LRFN5: variants seen among roughly 807,000 people sequenced by gnomAD.
LRFN5 encodes the protein leucine-rich repeat and fibronectin type-III domain-containing protein 5.
A neutral mutation model predicts 45.6 loss-of-function variants in LRFN5; 24 were observed. That is an observed-to-expected ratio of 0.53 (90% confidence interval 0.38 to 0.74). The LOEUF is 0.74. LRFN5 is among the 30% of genes least tolerant of loss of function. The pLI is 0.00. For synonymous variants in LRFN5, 340 were observed against 313.8 expected, an observed-to-expected ratio of 1.08 and a Z score of -0.88; for missense variants, 776 against 861.5, an observed-to-expected ratio of 0.90 and a Z score of 1.24.
intron 2 of LRFN5, among the ~76,000 whole-genome samples, chr14:41,769,964 G>T (rs976536367): frequency 6.6e-6 from 1 of 152,118 alleles, no homozygotes; most frequent in African/African-American, 2.4e-5. Flanking sequence ...AGATTTAACT[G>T]GCTCTTGGTT....
chr14:41,664,714 C>CA (rs571623537), intron 1 of LRFN5, among the ~76,000 whole-genome samples: 6 of 151,230 alleles, frequency 4.0e-5, no homozygotes, highest in South Asian at 2.1e-4. Flanking sequence ...ATGACATAAA[C>CA]AAAAAAAAGT....
chr14:41,626,666 G>T (rs1888346251), intron 1 of LRFN5, among the ~76,000 whole-genome samples: 2 of 151,930 alleles, frequency 1.3e-5, no homozygotes, highest in African/African-American at 4.8e-5. Context: ...TCTGGCCCTG[G>T]CACAATGTTC....
intron 1 of LRFN5, among the ~76,000 whole-genome samples, chr14:41,616,266 C>G (rs900111297): frequency 2.0e-5 from 3 of 152,082 alleles, no homozygotes; most frequent in African/African-American, 7.2e-5. Context: ...AAGAATGACT[C>G]AAGCCCATTC....
chr14:41,806,275 A>G (rs1227647062), intron 2 of LRFN5, among the ~76,000 whole-genome samples: 4 of 152,176 alleles, frequency 2.6e-5, no homozygotes, highest in Non-Finnish European at 5.9e-5. Flanking sequence ...CTTAGGATTG[A>G]CTGCCTTCAT....
chr14:41,624,217 G>C (rs61625810), intron 1 of LRFN5, among the ~76,000 whole-genome samples: 4 of 151,918 alleles, frequency 2.6e-5, no homozygotes, highest in African/African-American at 9.7e-5. Context: ...AATATTTTAA[G>C]TATAGTCCAA....
intron 1 of LRFN5, among the ~76,000 whole-genome samples, chr14:41,660,338 CTT>C (rs1880589313): frequency 6.6e-6 from 1 of 152,040 alleles, no homozygotes; most frequent in South Asian, 2.1e-4. Flanking sequence ...ATGACTAACT[CTT>C]ATATCTTAGT....
At chr14:41,610,464 C>A (rs1887700602) in intron 1 of LRFN5, among the ~76,000 whole-genome samples, 1 of 151,614 alleles carries the variant, frequency 6.6e-6, no homozygotes, top group African/African-American at 2.4e-5. Context: ...CGTATTGTTT[C>A]TAGTTGAAAC....
At chr14:41,757,769 C>T (rs750298286) in intron 1 of LRFN5, among the ~76,000 whole-genome samples, 1 of 152,146 alleles carries the variant, frequency 6.6e-6, no homozygotes, top group Non-Finnish European at 1.5e-5. Flanking sequence ...CTGTACTGCA[C>T]CCACTGTCTG....
intron 5 of LRFN5, among the ~76,000 whole-genome samples, chr14:41,902,791 G>T (rs1274908792): frequency 6.6e-6 from 1 of 151,558 alleles, no homozygotes; most frequent in African/African-American, 2.4e-5. Flanking sequence ...CTTTGATATA[G>T]TATCATAACA....
chr14:41,637,783 G>T (rs1879375976), intron 1 of LRFN5, among the ~76,000 whole-genome samples: 1 of 152,118 alleles, frequency 6.6e-6, no homozygotes, highest in African/African-American at 2.4e-5. Context: ...TTAAGCACCA[G>T]GGATATGACC....
intron 1 of LRFN5, among the ~76,000 whole-genome samples, chr14:41,694,645 G>C (rs894902724): frequency 4.0e-5 from 6 of 151,838 alleles, no homozygotes; most frequent in African/African-American, 1.2e-4. Context: ...TGGCAACTCT[G>C]TGTCAGGCAA....
chr14:41,855,497 A>G (rs1428202388), intron 2 of LRFN5, among the ~76,000 whole-genome samples: 1 of 152,196 alleles, frequency 6.6e-6, no homozygotes, highest in African/African-American at 2.4e-5. Context: ...AGCCTAGGGC[A>G]ACACTGGAGG....
intron 2 of LRFN5, among the ~76,000 whole-genome samples, chr14:41,843,656 C>A (rs1888946100): frequency 6.6e-6 from 1 of 152,030 alleles, no homozygotes; most frequent in African/African-American, 2.4e-5. Context: ...GCTCCAGCAC[C>A]ATTTACCAAA....
In LRFN5 at chr14:41,891,828, C is replaced by A. The variant is rs1171936576; in HGVS notation, c.1964C>A (p.Pro655Gln). 6.2e-7 allele frequency: 1 copy of A among 1,614,042 alleles called. No individual in the cohort carries two copies. The highest frequency in any genetic ancestry group is 2.2e-5 in the East Asian group (1 of 44,886). ...RKTGTKPSTEPQNEAVTNVES... is the reference protein window; with the variant it reads ...RKTGTKPSTEQQNEAVTNVES... ...ACTGGCACAAAGCCAAGTACAGAAC[C>A]ACAGAATGAAGCCGTCACAAATGTT... The change falls in exon 4 of 6, where the codon CCA becomes CAA. Residue 655 changes from proline (P) to glutamine (Q), a missense_variant. Around this residue, in one of 2 missense-constraint regions of LRFN5, gnomAD observed 465 missense variants for 456.4 expected, o/e 1.02. Coordinates refer to ENST00000298119, the MANE Select transcript of LRFN5 (RefSeq NM_152447.5).
intron 2 of LRFN5, among the ~76,000 whole-genome samples, chr14:41,858,258 C>T (rs1016183343): frequency 2.6e-5 from 4 of 152,068 alleles, no homozygotes; most frequent in African/African-American, 9.7e-5. Context: ...AACCCTTTAC[C>T]ACTCTCTCCA....
intron 2 of LRFN5, among the ~76,000 whole-genome samples, chr14:41,883,292 A>T (rs1286594445): frequency 3.3e-5 from 5 of 152,198 alleles, no homozygotes; most frequent in South Asian, 4.1e-4. Flanking sequence ...TTAGGGTGAC[A>T]GTGATGGTTT....
At chr14:41,682,176 A>G (rs962463637) in intron 1 of LRFN5, among the ~76,000 whole-genome samples, 1 of 151,896 alleles carries the variant, frequency 6.6e-6, no homozygotes, top group East Asian at 1.9e-4. Context: ...AAATAATGAC[A>G]AGGAGGTTGC....
intron 1 of LRFN5, among the ~76,000 whole-genome samples, chr14:41,729,384 C>T (rs1290275597): frequency 2.6e-5 from 4 of 152,070 alleles, no homozygotes; most frequent in African/African-American, 9.7e-5. Context: ...TTCCAGAAGC[C>T]TGCAATAGAA....
intron 2 of LRFN5, among the ~76,000 whole-genome samples, chr14:41,870,608 T>TC (rs1456491552): frequency 6.6e-6 from 1 of 152,172 alleles, no homozygotes; most frequent in Non-Finnish European, 1.5e-5. Flanking sequence ...AATGGGTCTA[T>TC]CCCACAACAC....
Sources: gnomAD v4.1 joint callset for allele counts (sites outside exome capture counted in the v4.1 genomes callset) on GRCh38, gnomAD v4.1.1 for gene constraint, gnomAD v4.1.1 regional missense constraint, MANE v1.5 for transcripts, NCBI Gene and HGNC (gene_info 2026-07-23, HGNC 2026-07-21) for gene names.